Variants in PREX2 observed in about 807,000 individuals in gnomAD.
PREX2 encodes phosphatidylinositol-3,4,5-trisphosphate dependent Rac exchange factor 2.
In PREX2, 107 loss-of-function variants were observed where a neutral mutation model predicts 203.2. That is an observed-to-expected ratio of 0.53 (90% CI 0.45 to 0.62). PREX2 has a LOEUF of 0.62. Ranked by LOEUF, PREX2 falls within the 20% of genes least tolerant of loss-of-function variation. The probability of loss-of-function intolerance (pLI) is 0.00; values close to 1 mark genes in which losing one functional copy is unlikely to be tolerated. For synonymous variants in PREX2, 672 were observed against 663.6 expected, an observed-to-expected ratio of 1.01 and a Z score of -0.19; for missense variants, 1,777 against 1,955.9, an observed-to-expected ratio of 0.91 and a Z score of 1.72.
intron 9 of PREX2, among the ~76,000 whole-genome samples, chr8:68,054,824 C>T (rs913929966): frequency 9.9e-5 from 15 of 152,220 alleles, no homozygotes; most frequent in Admixed American, 2.6e-4. Flanking sequence ...TGGTGCCCAC[C>T]GGACTCCTGG....
chr8:68,035,402 C>T (rs900850738), intron 6 of PREX2, among the ~76,000 whole-genome samples: 2 of 152,016 alleles, frequency 1.3e-5, no homozygotes, highest in African/African-American at 2.4e-5. Flanking sequence ...GCATTGTATA[C>T]GAGTGGGGAT....
intron 5 of PREX2, among the ~76,000 whole-genome samples, chr8:68,028,012 T>C (rs1183872172): frequency 6.6e-6 from 1 of 152,002 alleles, no homozygotes; most frequent in Non-Finnish European, 1.5e-5. Context: ...TTTGGAACCA[T>C]AACATCAGGA....
chr8:67,996,755 G>C (rs1468976541), intron 1 of PREX2, among the ~76,000 whole-genome samples: 1 of 151,996 alleles, frequency 6.6e-6, no homozygotes, highest in Admixed American at 6.6e-5. Flanking sequence ...CTTTCTAGAA[G>C]TTCTCTATTT....
intron 8 of PREX2, among the ~76,000 whole-genome samples, chr8:68,045,026 G>T (rs1205595520): frequency 6.6e-6 from 1 of 151,974 alleles, no homozygotes; most frequent in African/African-American, 2.4e-5. Context: ...ATATAGACAG[G>T]TTGTCAATTT....
chr8:68,104,815 G>A (rs1437033876), intron 23 of PREX2, among the ~76,000 whole-genome samples: 1 of 152,142 alleles, frequency 6.6e-6, no homozygotes, highest in Non-Finnish European at 1.5e-5. Context: ...TCATTGTTGG[G>A]TAAATGAATA....
chr8:68,093,835 T>C, intron 21 of PREX2, 113 bp downstream of exon 21: 1 of 525,716 alleles, frequency 1.9e-6, no homozygotes, highest in East Asian at 2.9e-5. Flanking sequence ...TCTTAAGTCG[T>C]TATCACCAAA....
chr8:67,963,041 C>A (rs1805674982), intron 1 of PREX2, among the ~76,000 whole-genome samples: 1 of 152,126 alleles, frequency 6.6e-6, no homozygotes, highest in South Asian at 2.1e-4. Flanking sequence ...ACCCAATGTT[C>A]TTTTCTTCTA....
At chr8:68,170,729 T>C (rs1372780389) in intron 35 of PREX2, among the ~76,000 whole-genome samples, 1 of 152,200 alleles carries the variant, frequency 6.6e-6, no homozygotes, top group Non-Finnish European at 1.5e-5. Flanking sequence ...CCATTCACCA[T>C]TCTCACCCTG....
In PREX2 at chr8:68,127,624, A is replaced by G. The variant is rs553327028; in HGVS notation, c.3766+205A>G. Among the ~76,000 whole-genome samples the G allele has an allele frequency of 4.0e-5, 6 of 151,638 alleles. No homozygotes were observed. The South Asian group carries it at 1.2e-3, about 31-fold the overall frequency. On this transcript the variant is annotated intron_variant, in intron 31 of 39. Coordinates refer to ENST00000288368, the MANE Select transcript of PREX2 (RefSeq NM_024870.4). ...AATATATATATATACATATATATAT[A>G]TACACACATACTTGTATTCTCTTAT...
chr8:68,179,066 G>A (rs1812035736), intron 35 of PREX2, among the ~76,000 whole-genome samples: 1 of 151,926 alleles, frequency 6.6e-6, no homozygotes, highest in Non-Finnish European at 1.5e-5. Context: ...ATTACTTCTT[G>A]TGATGTGGCC....
intron 11 of PREX2, among the ~76,000 whole-genome samples, chr8:68,067,793 T>C (rs1809064353): frequency 6.6e-6 from 1 of 152,126 alleles, no homozygotes; most frequent in Non-Finnish European, 1.5e-5. Context: ...CTTTGTCTTA[T>C]TCTAGAGAAA....
At chr8:68,192,175 G>A (rs7823530) in intron 36 of PREX2, among the ~76,000 whole-genome samples, 160 bp from the exon 37 acceptor site, 2,547 of 152,306 alleles carry the variant, frequency 0.017, 69 homozygotes, top group African/African-American at 0.058. Context: ...AAGTGTTCAT[G>A]TCAGAGACAT....
intron 8 of PREX2, among the ~76,000 whole-genome samples, chr8:68,047,811 A>G (rs746113009): frequency 1.9e-4 from 29 of 151,948 alleles, no homozygotes; most frequent in Non-Finnish European, 4.3e-4. Flanking sequence ...GCTCTATCAG[A>G]TGACTAATTT....
chr8:68,103,534 A>G (rs1200706557), intron 23 of PREX2: 7 of 518,590 alleles, frequency 1.3e-5, no homozygotes, highest in South Asian at 7.0e-5. Flanking sequence ...GCCCTCCCCT[A>G]CCCCACACTG....
At position 68,146,340 on chromosome 8, in the gene PREX2, C is replaced by T. The variant is rs746957295; in HGVS notation, c.4219C>T (p.Leu1407Phe). ...AGGAGGGTTTAAAATTCATCCTGTT[C>T]TTTTTGCACAAGGTAAACTGTTTCT... ...NGGGFKIHPV[L>F]FAQALESMEG... is the part of the protein sequence containing the mutation. Residue 1407 changes from leucine (L) to phenylalanine (F), a missense_variant, in exon 34 of 40, where the codon CTT (leucine) becomes TTT (phenylalanine). Physicochemically the swap from Leu to Phe is conservative, Grantham distance 22. Coordinates refer to ENST00000288368, the MANE Select transcript of PREX2 (RefSeq NM_024870.4). The T allele has an allele frequency of 6.2e-7, 1 of 1,612,114 alleles. No homozygotes were observed. Among genetic ancestry groups the T allele is most frequent in the East Asian group, 2.2e-5 (1 of 44,694 alleles).
chr8:68,234,374 T>G lies in PREX2; in HGVS notation c.*2996T>G, dbSNP rs1813227878. 1 of 152,124 alleles carries G rather than the reference T, an allele frequency of 6.6e-6. No individual in the cohort carries two copies. Among genetic ancestry groups the G allele is most frequent in the Non-Finnish European group, 1.5e-5 (1 of 68,020 alleles). The allele number at this position is 152,124 out of a possible 1,614,324, so 9.4% of individuals were successfully genotyped here. A position where few individuals can be genotyped will look rare whatever the true frequency, so the allele number is the denominator to read the frequency against. On this transcript the variant is annotated 3_prime_UTR_variant, in exon 40 of 40. Coordinates refer to ENST00000288368, the MANE Select transcript of PREX2 (RefSeq NM_024870.4). ...GGACAACTCCCACCGCCCCCCAACC[T>G]AAAAGGGAAGGTCATGCATAGAAAG...
At chr8:68,230,152 G>C (rs1211589861) in intron 39 of PREX2, among the ~76,000 whole-genome samples, 1 of 151,292 alleles carries the variant, frequency 6.6e-6, no homozygotes. Flanking sequence ...TTAACCAGGA[G>C]TTATAACTCA....
At chr8:67,972,265 T>C (rs1201372068) in intron 1 of PREX2, among the ~76,000 whole-genome samples, 1 of 152,230 alleles carries the variant, frequency 6.6e-6, no homozygotes, top group Non-Finnish European at 1.5e-5. Context: ...ATAAAACTTA[T>C]TACCTCTACA....
chr8:68,225,420 A>T (rs1390413215), intron 39 of PREX2, among the ~76,000 whole-genome samples: 1 of 152,186 alleles, frequency 6.6e-6, no homozygotes, highest in Non-Finnish European at 1.5e-5. Flanking sequence ...GTAGGCAACC[A>T]TCTATCTTGA....
Sources: allele counts gnomAD v4.1 joint callset (sites outside exome capture counted in the v4.1 genomes callset), GRCh38; gene constraint gnomAD v4.1.1; transcripts MANE v1.5; gene names NCBI Gene and HGNC (gene_info 2026-07-23, HGNC 2026-07-21).